The following ARB2A variants were observed in gnomAD, a reference collection of about 807,000 sequenced individuals.
ARB2A encodes the protein ARB2 cotranscriptional regulator A.
At chr5:94,095,589 C>A in the ARB2A span, among the ~76,000 whole-genome samples, 128 of 151,718 alleles carry the variant, frequency 8.4e-4, no homozygotes, top group Non-Finnish European at 1.7e-3. Flanking sequence ...TTTCTTCTAT[C>A]TAGAATGTCT....
At chr5:93,619,388 A>C in the ARB2A span, 6 of 152,236 alleles carry the variant, frequency 3.9e-5, no homozygotes, top group Admixed American at 3.9e-4. Flanking sequence ...AGAACCAATG[A>C]ATGTACTTGT....
chr5:93,648,333 A>C, the ARB2A span, among the ~76,000 whole-genome samples: 4 of 152,190 alleles, frequency 2.6e-5, no homozygotes, highest in Non-Finnish European at 5.9e-5. Context: ...TAGTAAAAAC[A>C]TAAGAATATG....
At chr5:93,727,305 G>T in the ARB2A span, among the ~76,000 whole-genome samples, 1 of 151,936 alleles carries the variant, frequency 6.6e-6, no homozygotes, top group African/African-American at 2.4e-5. Flanking sequence ...TTTTACAGAA[G>T]ACAATGTGAA....
chr5:93,808,362 A>C, the ARB2A span, among the ~76,000 whole-genome samples: 2 of 151,612 alleles, frequency 1.3e-5, no homozygotes, highest in Non-Finnish European at 2.9e-5. Flanking sequence ...CAGAAGGTTA[A>C]GTTTTAAGTA....
chr5:93,685,070 T>G, the ARB2A span, among the ~76,000 whole-genome samples: 1 of 152,318 alleles, frequency 6.6e-6, no homozygotes, highest in Non-Finnish European at 1.5e-5. Context: ...GAAATAAGTC[T>G]CAGGTCATAT....
the ARB2A span, among the ~76,000 whole-genome samples, chr5:93,854,429 G>A: frequency 6.6e-6 from 1 of 151,986 alleles, no homozygotes; most frequent in South Asian, 2.1e-4. Flanking sequence ...TGAATTTTTT[G>A]AAGGGTTTTT....
At chr5:93,731,878 C>T in the ARB2A span, among the ~76,000 whole-genome samples, 2 of 152,192 alleles carry the variant, frequency 1.3e-5, no homozygotes, top group East Asian at 3.9e-4. Context: ...AAGGCCCCAT[C>T]GTTTCCTTTT....
the ARB2A span, among the ~76,000 whole-genome samples, chr5:94,046,135 C>T: frequency 5.9e-5 from 9 of 152,174 alleles, no homozygotes; most frequent in African/African-American, 2.2e-4. Context: ...TTAAATTTCA[C>T]TTGAACGCAT....
the ARB2A span, among the ~76,000 whole-genome samples, chr5:93,782,941 G>T: frequency 6.6e-6 from 1 of 152,040 alleles, no homozygotes; most frequent in Non-Finnish European, 1.5e-5. Context: ...TGCTTGCAAA[G>T]AAATTAATGG....
chr5:93,981,084 C>G, the ARB2A span, among the ~76,000 whole-genome samples: 3 of 82,478 alleles, frequency 3.6e-5, no homozygotes, highest in Non-Finnish European at 7.7e-5. Context: ...TTTTTTTTTT[C>G]GGTAAAGGTT....
chr5:94,077,966 G>A, the ARB2A span, among the ~76,000 whole-genome samples: 1 of 152,058 alleles, frequency 6.6e-6, no homozygotes, highest in Non-Finnish European at 1.5e-5. Flanking sequence ...TAAATAACTT[G>A]TCATGTGTAA....
chr5:94,001,150 C>T, the ARB2A span, among the ~76,000 whole-genome samples: 4 of 152,018 alleles, frequency 2.6e-5, no homozygotes, highest in African/African-American at 9.7e-5. Flanking sequence ...TCCTCATATA[C>T]ACTTTAGAAT....
chr5:93,991,882 T>G, the ARB2A span, among the ~76,000 whole-genome samples: 1 of 151,894 alleles, frequency 6.6e-6, no homozygotes, highest in Admixed American at 6.6e-5. Flanking sequence ...TTTTCCAGAT[T>G]TGATAAAAAC....
the ARB2A span, among the ~76,000 whole-genome samples, chr5:93,797,847 C>T: frequency 6.6e-6 from 1 of 151,938 alleles, no homozygotes; most frequent in African/African-American, 2.4e-5. Context: ...TTACTGAAGA[C>T]GTACAGTACA....
chr5:93,736,926 A>G, the ARB2A span: 4 of 152,194 alleles, frequency 2.6e-5, no homozygotes, highest in African/African-American at 4.8e-5. Context: ...CTACTTTTAT[A>G]CAACACAGTA....
At chr5:94,063,340 C>T in the ARB2A span, among the ~76,000 whole-genome samples, 2 of 152,170 alleles carry the variant, frequency 1.3e-5, no homozygotes, top group Non-Finnish European at 2.9e-5. Context: ...ATAAACCTCA[C>T]ACATGCCACC....
At chr5:94,016,616 A>G in the ARB2A span, among the ~76,000 whole-genome samples, 1 of 152,216 alleles carries the variant, frequency 6.6e-6, no homozygotes, top group African/African-American at 2.4e-5. Context: ...GATTGGCTTT[A>G]TAATACCCAA....
the ARB2A span, among the ~76,000 whole-genome samples, chr5:94,004,964 A>T: frequency 7.5e-6 from 1 of 133,040 alleles, no homozygotes; most frequent in African/African-American, 2.9e-5. Context: ...ACTACCCAGC[A>T]CCTCAACACT....
chr5:94,060,224 C>G, the ARB2A span, among the ~76,000 whole-genome samples: 5 of 152,132 alleles, frequency 3.3e-5, no homozygotes, highest in South Asian at 1.0e-3. Context: ...TGGTGGTGCG[C>G]ACCTATAATC....
Sources: gnomAD v4.1 joint callset for allele counts (sites outside exome capture counted in the v4.1 genomes callset) on GRCh38, gnomAD v4.1.1 for gene constraint, MANE v1.5 for transcripts, NCBI Gene and HGNC (gene_info 2026-07-23, HGNC 2026-07-21) for gene names.